Variants in MMP15 observed in about 807,000 individuals in gnomAD.
MMP15 encodes matrix metallopeptidase 15, also known as matrix metalloproteinase-15.
MMP15 carries 36 observed loss-of-function variants against 65.0 expected under a neutral mutation model. That is an observed-to-expected ratio of 0.55 (90% CI 0.42 to 0.73). The LOEUF (loss-of-function observed/expected upper bound fraction) is 0.73, where lower values mean the gene tolerates loss of function less well. MMP15 is among the 30% of genes least tolerant of loss of function. MMP15 has a pLI of 0.00. For missense variants in MMP15, 870 were observed against 987.8 expected (o/e 0.88, Z 1.60); for synonymous variants, 428 against 410.2 (o/e 1.04, Z -0.52).
At chr16:58,038,480 C>A in intron 3 of MMP15, 86 bp downstream of exon 3, 1 of 1,547,878 alleles carries the variant, frequency 6.5e-7, no homozygotes, top group Non-Finnish European at 8.8e-7. Flanking sequence ...CCTCGGCGCC[C>A]AGCCTTAACA....
chr16:58,043,404 G>C, intron 8 of MMP15, 44 bp downstream of exon 8: 2 of 1,593,728 alleles, frequency 1.3e-6, no homozygotes, highest in Non-Finnish European at 1.7e-6. Context: ...GCCCCATCTA[G>C]GCCCCCCTCA....
In MMP15 at chr16:58,045,093, C is replaced by A. The variant is rs1224995225; in HGVS notation, c.1657C>A (p.Leu553Met). The change falls in exon 10 of 10, where the codon CTG becomes ATG. Residue 553 changes from leucine (L) to methionine (M), a missense_variant. Physicochemically the swap from Leu to Met is conservative, Grantham distance 15. Coordinates refer to ENST00000219271, the MANE Select transcript of MMP15 (RefSeq NM_002428.4). ...RMEPGYPKSI[L>M]RDFMGCQEHV... is the part of the protein sequence containing the mutation. The stretch of plus-strand genomic sequence containing the variant: ...GGAGCCCGGCTACCCCAAGTCCATC[C>A]TGCGGGACTTCATGGGCTGCCAGGA... 1 of 1,612,308 alleles carries A rather than the reference C, an allele frequency of 6.2e-7. No homozygotes were observed. The highest frequency in any genetic ancestry group is 1.1e-5 in the South Asian group (1 of 90,854).
In MMP15 at chr16:58,026,473, C is replaced by T. The variant is rs1212859347; in HGVS notation, c.123C>T (p.Gly41=). 7.1e-7 allele frequency: 1 copy of T among 1,407,256 alleles called. No homozygotes were observed. The highest frequency in any genetic ancestry group is 9.3e-7 in the Non-Finnish European group (1 of 1,079,520). The allele number at this position is 1,407,256 out of a possible 1,614,324, so 87.2% of individuals were successfully genotyped here. A position where few individuals can be genotyped will look rare whatever the true frequency, so the allele number is the denominator to read the frequency against. Residue 41 remains glycine, a synonymous_variant, in exon 1 of 10, where the codon GGC becomes GGT. Transcript: ENST00000219271. ...TCCTGGTGCTTCTGGGCTGCCTGGG[C>T]CTTGGCGTAGCGGCCGAAGACGCGG... The part of the protein sequence containing the change: ...PLLLVLLGCL[G]LGVAAEDAEV...
At position 58,041,850 on chromosome 16, in the gene MMP15, G is replaced by A. The variant is rs763672023; in HGVS notation, c.1144G>A (p.Gly382Arg). The change falls in exon 6 of 10, where the codon GGG becomes AGG. Residue 382 changes from glycine (G) to arginine (R), a missense_variant. Physicochemically the swap from Gly to Arg is moderately radical, Grantham distance 125 (BLOSUM62 -2). Coordinates refer to ENST00000219271, the MANE Select transcript of MMP15 (RefSeq NM_002428.4). ...GDFDTVAMLR[G>R]EMFVFKGRWF... ...CTTTGACACAGTGGCCATGCTTCGC[G>A]GGGAGATGTTCGTGTTCAAGGTCTG... The A allele has an allele frequency of 1.8e-5, 29 of 1,598,926 alleles. No individual in the cohort carries two copies. In the Admixed American group the frequency reaches 2.5e-4, roughly 14 times the overall value.
At chr16:58,037,371 AGCAG>A in intron 1 of MMP15, 97 bp from the exon 2 acceptor site, 1 of 1,465,696 alleles carries the variant, frequency 6.8e-7, no homozygotes, top group Non-Finnish European at 9.3e-7. Context: ...GCTCAGATAG[AGCAG>A]CGGTGGTGGA....
At chr16:58,034,694 T>C (rs898880005) in intron 1 of MMP15, among the ~76,000 whole-genome samples, 25 of 152,206 alleles carry the variant, frequency 1.6e-4, no homozygotes, top group Non-Finnish European at 8.8e-5. Context: ...CCTCTGGCTC[T>C]TCACCCCAGG....
At chr16:58,040,489 T>G in intron 4 of MMP15, 48 bp from the exon 5 acceptor site, 2 of 1,595,344 alleles carry the variant, frequency 1.3e-6, no homozygotes, top group Non-Finnish European at 1.7e-6. Flanking sequence ...GATTGGGTCC[T>G]GGGACTGGCC....
intron 1 of MMP15, 149 bp from the exon 2 acceptor site, chr16:58,037,323 T>A: frequency 1.0e-6 from 1 of 978,514 alleles, no homozygotes; most frequent in Non-Finnish European, 1.5e-6. Flanking sequence ...AGGAGGGTGC[T>A]GAGGCTCACA....
At position 58,026,274 on chromosome 16, in the gene MMP15, A is replaced by G. The variant is rs917034266; in HGVS notation, c.-77A>G. On this transcript the variant is annotated 5_prime_UTR_variant, in exon 1 of 10. Coordinates refer to ENST00000219271, the MANE Select transcript of MMP15 (RefSeq NM_002428.4). ...CGGCGCGCCTGCCGGGCCAGGAGCC[A>G]GGGAGCGTCGCAAGTTTCCAAGGCG... 6.0e-5 allele frequency: 74 copies of G among 1,235,236 alleles called. No individual in the cohort carries two copies. The highest frequency in any genetic ancestry group is 6.8e-5 in the Non-Finnish European group (67 of 986,526). 76.5% of individuals were successfully genotyped at this position (1,235,236 alleles called of 1,614,324 possible). A position where few individuals can be genotyped will look rare whatever the true frequency, so the allele number is the denominator to read the frequency against.
chr16:58,042,999 G>A (rs1959485009), intron 7 of MMP15, among the ~76,000 whole-genome samples: 1 of 152,128 alleles, frequency 6.6e-6, no homozygotes, highest in South Asian at 2.1e-4. Context: ...GGCGTGTATG[G>A]GTGTGAGCGG....
rs952255515 is a variant in MMP15, at chr16:58,031,963, G to T, written c.162+5451G>T. Among the ~76,000 whole-genome samples the T allele has an allele frequency of 2.1e-5, 3 of 140,174 alleles. No homozygotes were observed. The South Asian group carries it at 6.9e-4, about 32-fold the overall frequency. 92.0% of individuals were successfully genotyped at this position (140,174 alleles called of 152,430 possible). A position where few individuals can be genotyped will look rare whatever the true frequency, so the allele number is the denominator to read the frequency against. Reference sequence around the variant, plus strand: ...GCTCACTGCAACCTCCGCCTCCCAGGTTCAGGCAATTCTCCTGCTTCAGCC... The same window carrying T: ...GCTCACTGCAACCTCCGCCTCCCAGTTTCAGGCAATTCTCCTGCTTCAGCC... On this transcript the variant is annotated intron_variant, in intron 1 of 9. Coordinates refer to ENST00000219271, the MANE Select transcript of MMP15 (RefSeq NM_002428.4).
chr16:58,026,126 C>T lies in MMP15; in HGVS notation c.-225C>T. The T allele has an allele frequency of 2.4e-6, 1 of 410,764 alleles. No individual in the cohort carries two copies. The highest frequency in any genetic ancestry group is 4.1e-6 in the Non-Finnish European group (1 of 242,986). The allele number at this position is 410,764 out of a possible 1,614,324, so 25.4% of individuals were successfully genotyped here. On this transcript the variant is annotated 5_prime_UTR_variant, in exon 1 of 10. Transcript: ENST00000219271. The stretch of plus-strand genomic sequence containing the variant: ...GAACCTCGCCGGGGGCAGCTCCGGT[C>T]GGCCCCCTTTCCCGCCGGCTGGTTC...
Position 58,038,276 on chromosome 16 carries a change from C to T in MMP15, c.322C>T (p.Arg108Trp), listed in dbSNP as rs773483224. The change falls in exon 3 of 10, where the codon CGG (arginine) becomes TGG (tryptophan). Residue 108 changes from arginine to tryptophan, a missense_variant. Transcript: ENST00000219271. The stretch of plus-strand genomic sequence containing the variant: ...GTGTCCATGTCCCAGGTGGATGAAG[C>T]GGCCCCGCTGTGGGGTGCCAGACCA... ...LDEETKEWMK[R>W]PRCGVPDQFG... is the part of the protein sequence containing the mutation. 13 of 1,613,686 alleles carry T rather than the reference C, an allele frequency of 8.1e-6. No homozygotes were observed. Among genetic ancestry groups the T allele is most frequent in the African/African-American group, 5.3e-5 (4 of 74,924 alleles).
chr16:58,045,558 G>C lies in MMP15; in HGVS notation c.*112G>C. 1.2e-6 allele frequency: 1 copy of C among 821,272 alleles called. No homozygotes were observed. Among genetic ancestry groups the C allele is most frequent in the Admixed American group, 3.0e-5 (1 of 33,874 alleles). 50.9% of individuals were successfully genotyped at this position (821,272 alleles called of 1,614,324 possible). Reference sequence around the variant, plus strand: ...GCCCCTCTCAGCCCTCACACACCCTGTCTGCCCCGCCCTCATTATTTATGT... The same window carrying C: ...GCCCCTCTCAGCCCTCACACACCCTCTCTGCCCCGCCCTCATTATTTATGT... On this transcript the variant is annotated 3_prime_UTR_variant, in exon 10 of 10. Transcript: ENST00000219271.
Position 58,038,409 on chromosome 16 carries a change from T to C in MMP15, c.440+15T>C. 1.2e-6 allele frequency: 2 copies of C among 1,613,406 alleles called. No individual in the cohort carries two copies. The highest frequency in any genetic ancestry group is 1.7e-6 in the Non-Finnish European group (2 of 1,179,604). ...CTGACCTTTAGGTAGGGGGCTCAGC[T>C]GCCCAGGGAAGCATCTGCCCCTCGG... On this transcript the variant is annotated intron_variant, in intron 3 of 9. Coordinates refer to ENST00000219271, the MANE Select transcript of MMP15 (RefSeq NM_002428.4).
chr16:58,041,994 T>TC, intron 6 of MMP15, 124 bp downstream of exon 6: 1 of 1,272,024 alleles, frequency 7.9e-7, no homozygotes, highest in Non-Finnish European at 1.1e-6. Context: ...TGGGGAGGAA[T>TC]CCAGCCCAAG....
At chr16:58,028,447 A>C (rs1963854401) in intron 1 of MMP15, among the ~76,000 whole-genome samples, 1 of 152,198 alleles carries the variant, frequency 6.6e-6, no homozygotes, top group Non-Finnish European at 1.5e-5. Context: ...CAGCTCCTAC[A>C]GTTGGCTTTG....
At position 58,041,888 on chromosome 16, in the gene MMP15, A is replaced by G. The variant is rs748124184; in HGVS notation, c.1164+18A>G. 1.3e-6 allele frequency: 2 copies of G among 1,562,798 alleles called. No homozygotes were observed. The highest frequency in any genetic ancestry group is 1.2e-5 in the South Asian group (1 of 80,842). ...TGTTCAAGGTCTGGCCCCGCCTCCC[A>G]TGCCTGGCCCTGAGCCTTTTCCCTG... On this transcript the variant is annotated intron_variant, in intron 6 of 9. Coordinates refer to ENST00000219271, the MANE Select transcript of MMP15 (RefSeq NM_002428.4).
chr16:58,045,221 G>A lies in MMP15; in HGVS notation c.1785G>A (p.Gly595=), dbSNP rs1959535094. Residue 595 remains glycine (G), a synonymous_variant, in exon 10 of 10, where the codon GGG becomes GGA. Coordinates refer to ENST00000219271, the MANE Select transcript of MMP15 (RefSeq NM_002428.4). ...CGGACAGCGCAGAGGGCGACGTGGG[G>A]GATGGGGATGGGGACTTTGGGGCCG... is the stretch of plus-strand genomic sequence containing the variant. ...PGADSAEGDV[G]DGDGDFGAGV... 1 of 1,598,646 alleles carries A rather than the reference G, an allele frequency of 6.3e-7. No individual in the cohort carries two copies. The highest frequency in any genetic ancestry group is 8.5e-7 in the Non-Finnish European group (1 of 1,174,002).
Sources: gnomAD v4.1 joint callset for allele counts (sites outside exome capture counted in the v4.1 genomes callset) on GRCh38, gnomAD v4.1.1 for gene constraint, MANE v1.5 for transcripts, NCBI Gene and HGNC (gene_info 2026-07-23, HGNC 2026-07-21) for gene names.